The following HYCC1 variants were observed in gnomAD, a reference collection of about 807,000 sequenced individuals.
HYCC1 encodes hyccin PI4KA lipid kinase complex subunit 1, also known as hyccin.
the HYCC1 span, among the ~76,000 whole-genome samples, chr7:22,999,867 A>G: frequency 6.6e-6 from 1 of 152,154 alleles, no homozygotes; most frequent in East Asian, 1.9e-4. Flanking sequence ...CGAGAGGAAA[A>G]TAAGTCAAGG....
At chr7:22,976,365 T>C in the HYCC1 span, 26 of 1,198,898 alleles carry the variant, frequency 2.2e-5, no homozygotes, top group South Asian at 8.6e-5. Context: ...TCAACTATAA[T>C]AGGGGAGAGA....
chr7:22,942,999 C>T, the HYCC1 span: 1 of 152,050 alleles, frequency 6.6e-6, no homozygotes, highest in African/African-American at 2.4e-5. Context: ...TTTCACTGAG[C>T]AAGTCTTCAG....
chr7:22,921,360 CAAAT>C, the HYCC1 span, among the ~76,000 whole-genome samples: 2 of 152,028 alleles, frequency 1.3e-5, no homozygotes, highest in East Asian at 3.9e-4. Context: ...CACACAAGAA[CAAAT>C]AAAAAGTATC....
the HYCC1 span, among the ~76,000 whole-genome samples, chr7:22,897,148 T>C: frequency 1.3e-5 from 2 of 152,126 alleles, no homozygotes; most frequent in Non-Finnish European, 2.9e-5. Context: ...AGACAGCGAT[T>C]GCAGACAGCA....
At chr7:22,909,414 G>A in the HYCC1 span, among the ~76,000 whole-genome samples, 15 of 152,250 alleles carry the variant, frequency 9.9e-5, no homozygotes, top group African/African-American at 3.4e-4. Flanking sequence ...GCAGAACCAT[G>A]AGCCAATTAA....
the HYCC1 span, chr7:22,939,261 T>C: frequency 1.3e-5 from 2 of 152,180 alleles, no homozygotes; most frequent in Non-Finnish European, 2.9e-5. Context: ...ATACAGAGAA[T>C]GGAATAAATA....
At chr7:22,929,418 G>A in the HYCC1 span, among the ~76,000 whole-genome samples, 5 of 152,016 alleles carry the variant, frequency 3.3e-5, no homozygotes, top group Admixed American at 3.3e-4. Flanking sequence ...TACAAAATGG[G>A]AGAACATTTT....
the HYCC1 span, among the ~76,000 whole-genome samples, chr7:22,988,731 G>A: frequency 6.6e-6 from 1 of 152,150 alleles, no homozygotes; most frequent in South Asian, 2.1e-4. Flanking sequence ...TTCCATGATT[G>A]TAATTCCTTT....
chr7:22,976,161 T>C, the HYCC1 span: 2 of 1,113,560 alleles, frequency 1.8e-6, no homozygotes, highest in Admixed American at 3.4e-5. Flanking sequence ...AGACTAGCAA[T>C]CATAGATTCA....
the HYCC1 span, among the ~76,000 whole-genome samples, chr7:22,970,439 T>G: frequency 6.6e-6 from 1 of 152,214 alleles, no homozygotes; most frequent in Non-Finnish European, 1.5e-5. Flanking sequence ...TAAGCTCTTG[T>G]GATATAGCAG....
chr7:22,941,439 G>A, the HYCC1 span: 1 of 151,894 alleles, frequency 6.6e-6, no homozygotes, highest in Non-Finnish European at 1.5e-5. Flanking sequence ...TTATTCTTTA[G>A]GAATGTAAAC....
At chr7:22,974,543 T>C in the HYCC1 span, among the ~76,000 whole-genome samples, 1 of 152,232 alleles carries the variant, frequency 6.6e-6, no homozygotes, top group Non-Finnish European at 1.5e-5. Flanking sequence ...TATGCTCTAA[T>C]TTGGAAAACA....
chr7:22,978,138 G>A, the HYCC1 span: 9 of 798,482 alleles, frequency 1.1e-5, no homozygotes, highest in Admixed American at 4.4e-5. Context: ...AGTTATATTT[G>A]GAAGAATGGG....
At chr7:22,996,356 C>T in the HYCC1 span, among the ~76,000 whole-genome samples, 1 of 150,186 alleles carries the variant, frequency 6.7e-6, no homozygotes, top group African/African-American at 2.4e-5. Context: ...AATATCAATG[C>T]ATTATGTAGG....
chr7:23,001,460 T>G, the HYCC1 span, among the ~76,000 whole-genome samples: 2 of 152,310 alleles, frequency 1.3e-5, no homozygotes, highest in Middle Eastern at 3.4e-3. Flanking sequence ...AATAATTTAC[T>G]CTGGTTTACT....
chr7:23,001,966 C>T, the HYCC1 span, among the ~76,000 whole-genome samples: 2 of 151,056 alleles, frequency 1.3e-5, no homozygotes, highest in African/African-American at 4.9e-5. Flanking sequence ...ACTTTCAGAA[C>T]TCTGGGAAAA....
chr7:22,946,444 A>C, the HYCC1 span, among the ~76,000 whole-genome samples: 41 of 152,250 alleles, frequency 2.7e-4, no homozygotes, highest in African/African-American at 9.1e-4. Flanking sequence ...CTATTCATGC[A>C]AAAGATAAGA....
the HYCC1 span, among the ~76,000 whole-genome samples, chr7:22,920,978 A>T: frequency 0.65 from 98,197 of 151,954 alleles, 31,734 homozygotes; most frequent in Non-Finnish European, 0.67. Flanking sequence ...TGCCATGTGA[A>T]GCACTAGCTC....
At chr7:22,962,121 G>A in the HYCC1 span, among the ~76,000 whole-genome samples, 2 of 152,098 alleles carry the variant, frequency 1.3e-5, no homozygotes, top group South Asian at 4.1e-4. Context: ...TCAAAGAGCC[G>A]AGGTAACAAG....
Sources: allele counts gnomAD v4.1 joint callset (sites outside exome capture counted in the v4.1 genomes callset), GRCh38; gene constraint gnomAD v4.1.1; transcripts MANE v1.5; gene names NCBI Gene and HGNC (gene_info 2026-07-23, HGNC 2026-07-21).